Variants in YARS1 observed in about 807,000 individuals in gnomAD.
The protein encoded by YARS1 is tyrosyl-tRNA synthetase 1, also known as tyrosine--tRNA ligase, cytoplasmic.
In YARS1, 36 loss-of-function variants were observed where a neutral mutation model predicts 62.2. The observed-to-expected ratio is 0.58, with a 90% CI of 0.44 to 0.76. YARS1 has a LOEUF of 0.76. Ranked by LOEUF, YARS1 falls within the 30% of genes least tolerant of loss-of-function variation. The pLI is 0.00. For missense variants in YARS1, 524 were observed against 639.8 expected (o/e 0.82, Z 1.95); for synonymous variants, 234 against 244.9 (o/e 0.96, Z 0.42).
Position 32,775,407 on chromosome 1 carries a change from A to G in YARS1, c.*574T>C, listed in dbSNP as rs561525459. 1.3e-5 allele frequency: 2 copies of G among 157,386 alleles called. No individual in the cohort carries two copies. The highest frequency in any genetic ancestry group is 1.2e-4 in the Admixed American group (2 of 16,542). The allele number at this position is 157,386 out of a possible 1,614,324, so 9.7% of individuals were successfully genotyped here. On this transcript the variant is annotated 3_prime_UTR_variant, in exon 13 of 13. Transcript: ENST00000373477. ...TTAGGGAGTGTCCCAGCCTAGCTGG[A>G]TCAAGGGAAATTCCAGGAGCCCTGG... is the stretch of plus-strand genomic sequence containing the variant.
At chr1:32,800,547 G>A (rs1384827939) in intron 4 of YARS1, among the ~76,000 whole-genome samples, 1 of 151,724 alleles carries the variant, frequency 6.6e-6, no homozygotes, top group Non-Finnish European at 1.5e-5. Flanking sequence ...TTTTCATCCT[G>A]CCTTCACAAG....
chr1:32,815,974 G>C (rs561505367), intron 1 of YARS1, among the ~76,000 whole-genome samples: 2 of 151,910 alleles, frequency 1.3e-5, no homozygotes, highest in East Asian at 3.9e-4. Context: ...CCGGGCGTGG[G>C]GGCGGTCACC....
In YARS1 at chr1:32,786,967, T is replaced by C; in HGVS notation, c.793A>G (p.Lys265Glu). 6.2e-7 allele frequency: 1 copy of C among 1,614,118 alleles called. No homozygotes were observed. Among genetic ancestry groups the C allele is most frequent in the South Asian group, 1.1e-5 (1 of 91,072 alleles). The change falls in exon 7 of 13, where the codon AAG (lysine) becomes GAG (glutamate). Residue 265 changes from lysine (K) to glutamate (E), a missense_variant. Transcript: ENST00000373477. ...VENNGVLSFI[K>E]HVLFPLKSEF... ...GACTTAAGGGGAAAAAGGACATGCTTGATGAAGGACAGAACCCCATTGTTC... is the reference window on the plus strand; with the variant it reads ...GACTTAAGGGGAAAAAGGACATGCTCGATGAAGGACAGAACCCCATTGTTC...
chr1:32,792,202 T>C (rs758476341), intron 5 of YARS1, among the ~76,000 whole-genome samples: 1 of 152,170 alleles, frequency 6.6e-6, no homozygotes, highest in Non-Finnish European at 1.5e-5. Context: ...GATGGAAGTT[T>C]AGCTCCAATC....
intron 7 of YARS1, 70 bp from the exon 8 acceptor site, chr1:32,786,517 T>A (rs1653235390): frequency 1.2e-5 from 11 of 932,338 alleles, no homozygotes. Flanking sequence ...TGACTATTCC[T>A]AGCCCACATG....
At chr1:32,778,812 C>T (rs1422828435) in intron 12 of YARS1, among the ~76,000 whole-genome samples, 1 of 148,184 alleles carries the variant, frequency 6.7e-6, no homozygotes, top group African/African-American at 2.5e-5. Flanking sequence ...GATCTTGGCT[C>T]ATTGCAACCT....
At chr1:32,777,269 T>C (rs142577306) in intron 12 of YARS1, among the ~76,000 whole-genome samples, 121 of 152,082 alleles carry the variant, frequency 8.0e-4, no homozygotes, top group Admixed American at 1.3e-3. Context: ...CCTCAGGTGA[T>C]CTGCCTGCCT....
chr1:32,811,280 T>C lies in YARS1; in HGVS notation c.58-223A>G, dbSNP rs565549896. ...GCCAGACAAACTCCATTTTGGCTCC[T>C]TCACTTGTAGCCCCTTGCAGCCTCT... On this transcript the variant is annotated intron_variant, in intron 1 of 12. Transcript: ENST00000373477. 7.5e-6 allele frequency: 5 copies of C among 669,526 alleles called. No homozygotes were observed. The East Asian group carries it at 1.5e-4, about 20-fold the overall frequency. The allele number at this position is 669,526 out of a possible 1,614,324, so 41.5% of individuals were successfully genotyped here.
chr1:32,788,086 C>T (rs974719329), intron 6 of YARS1, among the ~76,000 whole-genome samples: 4 of 152,024 alleles, frequency 2.6e-5, no homozygotes, highest in African/African-American at 7.3e-5. Flanking sequence ...CCAGCCTGGG[C>T]GACAGTGAAA....
intron 9 of YARS1, 48 bp downstream of exon 9, chr1:32,782,356 A>T (rs758607958): frequency 6.2e-7 from 1 of 1,613,550 alleles, no homozygotes; most frequent in South Asian, 1.1e-5. Context: ...AGGCTCATTG[A>T]CAAGCTCTCT....
intron 8 of YARS1, chr1:32,783,233 G>A (rs1431309305): frequency 1.3e-5 from 2 of 152,538 alleles, no homozygotes; most frequent in Admixed American, 1.3e-4. Context: ...TTAAATCACT[G>A]AATGTGGGTG....
rs562772500 is a variant in YARS1 at position 32,796,253 on chromosome 1, G to A, written c.591+1510C>T. 2.6e-5 allele frequency among the ~76,000 whole-genome samples: 4 copies of A among 152,168 alleles called. No individual in the cohort carries two copies. In the East Asian group the frequency reaches 5.8e-4, roughly 22 times the overall value. ...AGAGGTTGCAGTGAGCCGAGATCGC[G>A]CCACTGCACTCCAGCCCAGGCAACA... On this transcript the variant is annotated intron_variant, in intron 5 of 12. Transcript: ENST00000373477.
At chr1:32,801,576 C>G (rs785418) in intron 4 of YARS1, among the ~76,000 whole-genome samples, 3 of 151,844 alleles carry the variant, frequency 2.0e-5, no homozygotes, top group Non-Finnish European at 4.4e-5. Context: ...TGTGGCAATT[C>G]CCTAAAATAA....
In YARS1 at chr1:32,786,396, G is replaced by A. The variant is rs1304584868; in HGVS notation, c.872C>T (p.Ala291Val). 1 of 1,614,012 alleles carries A rather than the reference G, an allele frequency of 6.2e-7. No individual in the cohort carries two copies. Among genetic ancestry groups the A allele is most frequent in the Non-Finnish European group, 8.5e-7 (1 of 1,180,002 alleles). The change falls in exon 8 of 13, where the codon GCT (alanine) becomes GTT (valine). Residue 291 changes from alanine to valine, a missense_variant. Transcript: ENST00000373477. ...EKWGGNKTYT[A>V]YVDLEKDFAA... ...AAAGTCCTTTTCCAGGTCCACGTAA[G>A]CTGTGTAGGTTTTGTTTCCACCCCA...
chr1:32,778,736 CTTTTT>C (rs67504155), intron 12 of YARS1, among the ~76,000 whole-genome samples: 2 of 120,064 alleles, frequency 1.7e-5, no homozygotes, highest in East Asian at 2.3e-4. Flanking sequence ...CTTTTCTTTT[CTTTTT>C]TTTTTTTTTT....
In YARS1 at chr1:32,810,677, C is replaced by T. The variant is rs146442827; in HGVS notation, c.294G>A (p.Glu98=). The T allele has an allele frequency of 4.3e-6, 7 of 1,614,048 alleles. No homozygotes were observed. The African/African-American group carries it at 9.3e-5, about 22-fold the overall frequency. ...TCTCCAGCATTGCTTTGATCACATT[C>T]TCATAGTAACTGACTCGGAGTTCTA... is the stretch of plus-strand genomic sequence containing the variant. ...ELLELRVSYY[E]NVIKAMLESI... is the part of the protein sequence containing the mutation. The change falls in exon 3 of 13, where the codon GAG becomes GAA. Residue 98 remains glutamate, a synonymous_variant. Coordinates refer to ENST00000373477, the MANE Select transcript of YARS1 (RefSeq NM_003680.4).
chr1:32,798,970 A>G (rs1653692158), intron 4 of YARS1, among the ~76,000 whole-genome samples: 2 of 152,238 alleles, frequency 1.3e-5, no homozygotes, highest in African/African-American at 4.8e-5. Flanking sequence ...GGGGAGAGAC[A>G]TGTAAACAGA....
intron 4 of YARS1, among the ~76,000 whole-genome samples, chr1:32,801,378 A>G (rs1218874561): frequency 2.2e-4 from 33 of 152,212 alleles, no homozygotes; most frequent in Admixed American, 2.2e-3. Context: ...AGTCTATTTA[A>G]AGTGTGTAAT....
intron 6 of YARS1, among the ~76,000 whole-genome samples, chr1:32,788,480 G>C (rs1346696372): frequency 6.6e-6 from 1 of 151,918 alleles, no homozygotes; most frequent in Non-Finnish European, 1.5e-5. Context: ...GCCCAGGCTG[G>C]AGTACAATGG....
Sources: gnomAD v4.1 joint callset for allele counts (sites outside exome capture counted in the v4.1 genomes callset) on GRCh38, gnomAD v4.1.1 for gene constraint, MANE v1.5 for transcripts, NCBI Gene and HGNC (gene_info 2026-07-23, HGNC 2026-07-21) for gene names.